IST1: variants seen among roughly 807,000 people sequenced by gnomAD.
The protein encoded by IST1 is IST1 factor associated with ESCRT-III, also known as IST1 homolog.
In IST1, 23 loss-of-function variants were observed where a neutral mutation model predicts 37.0. The observed-to-expected ratio is 0.62, with a 90% CI of 0.45 to 0.88. The LOEUF (loss-of-function observed/expected upper bound fraction) is 0.88. IST1 is among the 40% of genes least tolerant of loss of function. The pLI, the probability that IST1 is intolerant of heterozygous loss-of-function variation, is 0.00. For missense variants in IST1, 488 were observed against 445.4 expected, an observed-to-expected ratio of 1.10 and a Z score of -0.86; for synonymous variants, 180 against 161.7, an observed-to-expected ratio of 1.11 and a Z score of -0.86.
intron 1 of IST1, among the ~76,000 whole-genome samples, chr16:71,907,507 G>A (rs1340582483): frequency 3.9e-5 from 6 of 151,980 alleles, no homozygotes; most frequent in Non-Finnish European, 8.8e-5. Context: ...TCGATCTTTT[G>A]ACCTCGTGAT....
Position 71,922,603 on chromosome 16 carries a change from G to GTGCCAA in IST1, c.687_692dup (p.Met238_Pro239dup), listed in dbSNP as rs750700902. ...ACCAGTTGGTGGACCTGATGGAACG[G>GTGCCAA]TGCCAATGCCCATGCCCATGCCCAT... On this transcript the variant is annotated inframe_insertion, in exon 7 of 10. Transcript: ENST00000378799. The GTGCCAA allele has an allele frequency of 3.1e-5, 50 of 1,598,032 alleles. No homozygotes were observed. The highest frequency in any genetic ancestry group is 5.1e-5 in the Admixed American group (3 of 58,532).
rs2037788758 is a variant in IST1, at chr16:71,927,893, A to C, written c.*80A>C. ...CCTTGTAACAAAGAATCTCCATGAAATTCTGTTTCATCTGTTAACCGTCAC... is the reference window on the plus strand; with the variant it reads ...CCTTGTAACAAAGAATCTCCATGAACTTCTGTTTCATCTGTTAACCGTCAC... On this transcript the variant is annotated 3_prime_UTR_variant, in exon 10 of 10. Transcript: ENST00000378799. 3 of 1,012,796 alleles carry C rather than the reference A, an allele frequency of 3.0e-6. No individual in the cohort carries two copies. Among genetic ancestry groups the C allele is most frequent in the Admixed American group, 1.8e-5 (1 of 56,502 alleles). 62.7% of individuals were successfully genotyped at this position (1,012,796 alleles called of 1,614,324 possible).
At chr16:71,923,003 C>T in intron 7 of IST1, 1 of 478,130 alleles carries the variant, frequency 2.1e-6, no homozygotes, top group South Asian at 2.7e-5. Flanking sequence ...GGCAGAACAA[C>T]CTTTGTAGAT....
In IST1 at chr16:71,930,223, T is replaced by TA. The variant is rs1567481512; in HGVS notation, c.*2411dup. 3.3e-6 allele frequency: 5 copies of TA among 1,502,166 alleles called. No homozygotes were observed. Among genetic ancestry groups the TA allele is most frequent in the Non-Finnish European group, 3.6e-6 (4 of 1,122,378 alleles). The allele number at this position is 1,502,166 out of a possible 1,614,324, so 93.1% of individuals were successfully genotyped here. On this transcript the variant is annotated 3_prime_UTR_variant, in exon 10 of 10. Transcript: ENST00000378799. The stretch of plus-strand genomic sequence containing the variant: ...AGAACACTTGCAGTGACTGACAATT[T>TA]AGTTTATACTTTACAAACATAAGCT...
chr16:71,924,192 C>CAGTATTTG, intron 8 of IST1: 1 of 455,982 alleles, frequency 2.2e-6, no homozygotes, highest in South Asian at 1.5e-5. Context: ...AAATCTTCAT[C>CAGTATTTG]AGTATTTGAG....
At chr16:71,895,697 G>T in intron 1 of IST1, 108 bp downstream of exon 1, 1 of 288,672 alleles carries the variant, frequency 3.5e-6, no homozygotes, top group South Asian at 1.3e-4. Context: ...AAACGACTTC[G>T]GAGGGGGCAG....
At chr16:71,897,055 T>G (rs1257977132) in intron 1 of IST1, among the ~76,000 whole-genome samples, 2 of 152,106 alleles carry the variant, frequency 1.3e-5, no homozygotes, top group East Asian at 3.8e-4. Flanking sequence ...GGTCTCACTC[T>G]GTTTCCCAGG....
At position 71,916,509 on chromosome 16, in the gene IST1, G is replaced by T; in HGVS notation, c.136G>T (p.Ala46Ser). 6.2e-7 allele frequency: 1 copy of T among 1,613,408 alleles called. No individual in the cohort carries two copies. Among genetic ancestry groups the T allele is most frequent in the Non-Finnish European group, 8.5e-7 (1 of 1,179,862 alleles). The change falls in exon 3 of 10, where the codon GCT (alanine) becomes TCT (serine). Residue 46 changes from alanine (A) to serine (S), a missense_variant. By Grantham distance (99) the Ala-to-Ser change is moderately conservative (BLOSUM62 1). Transcript: ENST00000378799. ...ARKEIADYLA[A>S]GKDERARIRV... ...GAAGGAGATTGCTGACTATCTGGCT[G>T]CTGGGAAAGATGAACGAGCTCGGAT...
intron 4 of IST1, 29 bp from the exon 5 acceptor site, chr16:71,920,707 CTAT>C (rs746065823): frequency 1.4e-5 from 22 of 1,519,736 alleles, no homozygotes; most frequent in Non-Finnish European, 1.8e-5. Context: ...GGAGTGGTCT[CTAT>C]TTTTATTTGC....
intron 1 of IST1, chr16:71,903,639 T>A (rs1449600466): frequency 2.0e-5 from 3 of 152,224 alleles, no homozygotes; most frequent in Non-Finnish European, 2.9e-5. Context: ...CCTCAAACGA[T>A]CCTTCTACCT....
intron 1 of IST1, among the ~76,000 whole-genome samples, chr16:71,901,799 T>A (rs911535291): frequency 2.0e-5 from 3 of 152,244 alleles, no homozygotes; most frequent in African/African-American, 7.2e-5. Flanking sequence ...TTTCTACTAA[T>A]TAACATAATA....
intron 8 of IST1, 71 bp from the exon 9 acceptor site, chr16:71,924,698 A>G (rs1159339762): frequency 2.5e-6 from 3 of 1,191,064 alleles, no homozygotes; most frequent in Middle Eastern, 1.9e-4. Flanking sequence ...TTGGAAACAC[A>G]GGGGCTTACA....
At chr16:71,919,503 C>T (rs1402773184) in intron 4 of IST1, among the ~76,000 whole-genome samples, 1 of 152,262 alleles carries the variant, frequency 6.6e-6, no homozygotes, top group Admixed American at 6.5e-5. Flanking sequence ...CCTCCCACCT[C>T]AGCCCCCTGA....
At chr16:71,909,858 A>G (rs1406867690) in intron 1 of IST1, among the ~76,000 whole-genome samples, 1 of 152,202 alleles carries the variant, frequency 6.6e-6, no homozygotes, top group African/African-American at 2.4e-5. Context: ...TCTTTGTAGG[A>G]CCCATGATAG....
chr16:71,907,676 T>C (rs1260464580), intron 1 of IST1, among the ~76,000 whole-genome samples: 5 of 152,188 alleles, frequency 3.3e-5, no homozygotes, highest in Non-Finnish European at 1.5e-5. Context: ...TTCAATTTTT[T>C]TCTCTCTTTT....
At chr16:71,925,758 G>A (rs35203704) in intron 9 of IST1, among the ~76,000 whole-genome samples, 12,904 of 152,116 alleles carry the variant, frequency 0.085, 765 homozygotes, top group Middle Eastern at 0.14. Context: ...AGGAGTTTGA[G>A]AACAGCCTGG....
upstream of IST1, chr16:71,894,990 C>A: frequency 1.5e-6 from 1 of 662,726 alleles, no homozygotes; most frequent in Non-Finnish European, 2.6e-6. Context: ...GGCAACCGGA[C>A]GGCTTAAAAG....
At chr16:71,922,360 C>G in intron 6 of IST1, 114 bp from the exon 7 acceptor site, 1 of 850,454 alleles carries the variant, frequency 1.2e-6, no homozygotes, top group Non-Finnish European at 1.9e-6. Context: ...AGGTGTTGAT[C>G]CCAGAAGCAC....
rs112755068 is a variant in IST1 at position 71,922,629 on chromosome 16, G to A, written c.708G>A (p.Met236Ile). The change falls in exon 7 of 10, where the codon ATG becomes ATA. Residue 236 changes from methionine (M) to isoleucine (I), a missense_variant. Physicochemically the swap from Met to Ile is conservative, Grantham distance 10. Coordinates refer to ENST00000378799, the MANE Select transcript of IST1 (RefSeq NM_001270975.2). Reference protein sequence around the residue: ...GTVPMPMPMPMPMPSANTPFS... With the variant: ...GTVPMPMPMPIPMPSANTPFS... ...TGCCAATGCCCATGCCCATGCCCATGCCTATGCCATCTGCAAATACGCCTT... is the reference window on the plus strand; with the variant it reads ...TGCCAATGCCCATGCCCATGCCCATACCTATGCCATCTGCAAATACGCCTT... The A allele has an allele frequency of 5.1e-6, 8 of 1,555,188 alleles. No individual in the cohort carries two copies. The highest frequency in any genetic ancestry group is 3.5e-6 in the Non-Finnish European group (4 of 1,131,208).
Sources: gnomAD v4.1 joint callset for allele counts (sites outside exome capture counted in the v4.1 genomes callset) on GRCh38, gnomAD v4.1.1 for gene constraint, MANE v1.5 for transcripts, NCBI Gene and HGNC (gene_info 2026-07-23, HGNC 2026-07-21) for gene names.